The following CHAT variants were observed in gnomAD, a reference collection of about 807,000 sequenced individuals.
The protein encoded by CHAT is choline O-acetyltransferase.
In CHAT, 61 loss-of-function variants were observed where a neutral mutation model predicts 76.9. That is an observed-to-expected ratio of 0.79 (90% CI 0.65 to 0.98). CHAT has a LOEUF of 0.98. Ranked by LOEUF, CHAT falls within the 50% of genes least tolerant of loss-of-function variation. The pLI is 0.00. For missense variants in CHAT, 946 were observed against 986.9 expected (o/e 0.96, Z 0.56); for synonymous variants, 407 against 397.4 (o/e 1.02, Z -0.29).
In CHAT at chr10:49,622,247, T is replaced by A. The variant is rs1456600505; in HGVS notation, c.752+97T>A. ...GTCTTTTTCCAGCTCTGTATTCCCA[T>A]TCCTGGCTCCTGGCACAGAGCAGAT... On this transcript the variant is annotated intron_variant, in intron 5 of 14. Coordinates refer to ENST00000337653, the MANE Select transcript of CHAT (RefSeq NM_020549.5). The A allele has an allele frequency of 3.1e-6, 4 of 1,302,598 alleles. No homozygotes were observed. In the East Asian group the frequency reaches 9.2e-5, roughly 30 times the overall value. The allele number at this position is 1,302,598 out of a possible 1,614,324, so 80.7% of individuals were successfully genotyped here. A position where few individuals can be genotyped will look rare whatever the true frequency, so the allele number is the denominator to read the frequency against.
intron 12 of CHAT, 47 bp downstream of exon 12, chr10:49,655,283 T>G: frequency 6.2e-7 from 1 of 1,613,976 alleles, no homozygotes; most frequent in Non-Finnish European, 8.5e-7. Context: ...GTGAGGCTGC[T>G]GTGGTTGCCC....
chr10:49,641,381 T>C (rs1222947507), intron 7 of CHAT, among the ~76,000 whole-genome samples: 2 of 152,228 alleles, frequency 1.3e-5, no homozygotes, highest in Non-Finnish European at 2.9e-5. Context: ...TACTTTTGTT[T>C]TGAATAAAAT....
chr10:49,663,591 G>A (rs1840266024), intron 14 of CHAT, among the ~76,000 whole-genome samples: 1 of 152,196 alleles, frequency 6.6e-6, no homozygotes. Context: ...TCCTGTATGA[G>A]AGCCACTGCC....
chr10:49,622,530 C>T (rs1323598808), intron 5 of CHAT, among the ~76,000 whole-genome samples: 1 of 152,170 alleles, frequency 6.6e-6, no homozygotes, highest in Admixed American at 6.5e-5. Flanking sequence ...GTGTCTCCAG[C>T]GGGAGACTGT....
intron 4 of CHAT, among the ~76,000 whole-genome samples, chr10:49,621,609 G>A (rs1359443685): frequency 6.6e-6 from 1 of 152,046 alleles, no homozygotes; most frequent in Non-Finnish European, 1.5e-5. Context: ...TTTTCCACAA[G>A]GCCAGGGGTC....
intron 7 of CHAT, among the ~76,000 whole-genome samples, chr10:49,629,449 C>T (rs967319924): frequency 3.3e-5 from 5 of 152,220 alleles, no homozygotes; most frequent in African/African-American, 9.7e-5. Context: ...CTTAGCATTC[C>T]GCAGTGAGTT....
At chr10:49,641,296 T>G (rs1917818) in intron 7 of CHAT, among the ~76,000 whole-genome samples, 47,644 of 152,160 alleles carry the variant, frequency 0.31, 8,142 homozygotes, top group Middle Eastern at 0.46. Context: ...CCAGAGAATC[T>G]GCTGCTATGA....
upstream of CHAT, chr10:49,611,860 G>T: frequency 3.7e-6 from 6 of 1,605,948 alleles, no homozygotes; most frequent in Non-Finnish European, 5.1e-6. Flanking sequence ...CTCGTGCATC[G>T]TGCCCGCCTG....
chr10:49,663,578 G>A (rs558074578), intron 14 of CHAT, among the ~76,000 whole-genome samples: 7 of 152,286 alleles, frequency 4.6e-5, no homozygotes, highest in East Asian at 1.9e-4. Flanking sequence ...GTGCCTCAGC[G>A]TGTCCTGTAT....
upstream of CHAT, chr10:49,612,293 T>G: frequency 6.2e-7 from 1 of 1,612,286 alleles, no homozygotes; most frequent in Non-Finnish European, 8.5e-7. Context: ...CCTGGCCCTT[T>G]TGATGCGTGC....
intron 5 of CHAT, among the ~76,000 whole-genome samples, chr10:49,624,376 G>C (rs1472963988): frequency 6.6e-6 from 1 of 152,178 alleles, no homozygotes; most frequent in Non-Finnish European, 1.5e-5. Flanking sequence ...CAAGTCATGG[G>C]TCAGTCACAG....
At chr10:49,648,642 C>CA (rs774260787) in intron 9 of CHAT, 35 bp downstream of exon 9, 2 of 1,476,784 alleles carry the variant, frequency 1.4e-6, no homozygotes, top group Non-Finnish European at 1.9e-6. Context: ...ATGCTGGGCC[C>CA]AAAAAAATGT....
Position 49,667,668 on chromosome 10 carries a change from C to T in CHAT, c.*2622C>T, listed in dbSNP as rs1840366074. On this transcript the variant is annotated 3_prime_UTR_variant, in exon 15 of 15. Coordinates refer to ENST00000337653, the MANE Select transcript of CHAT (RefSeq NM_020549.5). ...CCAAAGAGATGGAAAACAAGACAGT[C>T]ATTTGGAACAGTGATGCATAATAAA... is the stretch of plus-strand genomic sequence containing the variant. Among the ~76,000 whole-genome samples, 1 of 152,202 alleles carries T rather than the reference C, an allele frequency of 6.6e-6. No homozygotes were observed. Among genetic ancestry groups the T allele is most frequent in the African/African-American group, 2.4e-5 (1 of 41,440 alleles).
chr10:49,665,226 T>G lies in CHAT; in HGVS notation c.*180T>G, dbSNP rs905561649. On this transcript the variant is annotated 3_prime_UTR_variant, in exon 15 of 15. Transcript: ENST00000337653. ...TTAGGAGGAAAGGGTCCCCTCTTCATGCATGGGAATCATCATTTTCAAGGT... is the reference window on the plus strand; with the variant it reads ...TTAGGAGGAAAGGGTCCCCTCTTCAGGCATGGGAATCATCATTTTCAAGGT... 1 of 703,552 alleles carries G rather than the reference T, an allele frequency of 1.4e-6. No individual in the cohort carries two copies. The highest frequency in any genetic ancestry group is 2.4e-6 in the Non-Finnish European group (1 of 408,838). 43.6% of individuals were successfully genotyped at this position (703,552 alleles called of 1,614,324 possible). A position where few individuals can be genotyped will look rare whatever the true frequency, so the allele number is the denominator to read the frequency against.
chr10:49,625,356 G>A (rs1318275569), intron 5 of CHAT, 117 bp from the exon 6 acceptor site: 8 of 908,928 alleles, frequency 8.8e-6, no homozygotes, highest in Non-Finnish European at 1.0e-5. Flanking sequence ...TGATGATGCA[G>A]TTCTGGGTTC....
chr10:49,610,804 G>C, upstream of CHAT: 1 of 1,593,942 alleles, frequency 6.3e-7, no homozygotes, highest in Non-Finnish European at 8.5e-7. Context: ...GGAGGCTGTG[G>C]GCGCGGCGCT....
chr10:49,663,764 G>A (rs961404324), intron 14 of CHAT, among the ~76,000 whole-genome samples: 4 of 152,238 alleles, frequency 2.6e-5, no homozygotes, highest in African/African-American at 9.6e-5. Context: ...TCAGTAATGG[G>A]ATGTTGTCAT....
At chr10:49,616,104 C>T in intron 1 of CHAT, 1 of 1,610,420 alleles carries the variant, frequency 6.2e-7, no homozygotes, top group Non-Finnish European at 8.5e-7. Context: ...TATGGTCTTA[C>T]CCTTGAGAAG....
In CHAT at chr10:49,662,580, G is replaced by C. The variant is rs938793123; in HGVS notation, c.1840-65G>C. On this transcript the variant is annotated intron_variant, in intron 13 of 14. Coordinates refer to ENST00000337653, the MANE Select transcript of CHAT (RefSeq NM_020549.5). ...CACCAGCAGTCCTGTAGACTACAGA[G>C]CAGGGAACAAGGAGGTGCAGGAGGC... 51 of 1,600,952 alleles carry C rather than the reference G, an allele frequency of 3.2e-5. No homozygotes were observed. In the African/African-American group the frequency reaches 6.6e-4, roughly 21 times the overall value.
Sources: allele counts gnomAD v4.1 joint callset (sites outside exome capture counted in the v4.1 genomes callset), GRCh38; gene constraint gnomAD v4.1.1; transcripts MANE v1.5; gene names NCBI Gene and HGNC (gene_info 2026-07-23, HGNC 2026-07-21).